HAS3: variants seen among roughly 807,000 people sequenced by gnomAD.
HAS3 encodes HA synthase 3.
HAS3 carries 27 observed loss-of-function variants against 50.3 expected under a neutral mutation model. The observed-to-expected ratio is 0.54, with a 90% CI of 0.40 to 0.74. The LOEUF (loss-of-function observed/expected upper bound fraction) is 0.74, where lower values mean the gene tolerates loss of function less well. HAS3 is among the 30% of genes least tolerant of loss of function. The probability of loss-of-function intolerance (pLI) is 0.00; values close to 1 mark genes in which losing one functional copy is unlikely to be tolerated. For synonymous variants in HAS3, 339 were observed against 310.9 expected, an observed-to-expected ratio of 1.09 and a Z score of -0.95; for missense variants, 517 against 742.8, an observed-to-expected ratio of 0.70 and a Z score of 3.53.
the HAS3 span, among the ~76,000 whole-genome samples, chr16:69,087,387 C>G: frequency 1.3e-5 from 2 of 152,206 alleles, no homozygotes; most frequent in Non-Finnish European, 2.9e-5. Context: ...AGAGTTTCCC[C>G]TCTCTGCTTT....
chr16:69,116,416 G>A lies in HAS3; in HGVS notation c.*1150G>A, dbSNP rs766991782. 3.2e-5 allele frequency: 32 copies of A among 985,772 alleles called. No homozygotes were observed. The highest frequency in any genetic ancestry group is 3.7e-5 in the Non-Finnish European group (31 of 829,846). The allele number at this position is 985,772 out of a possible 1,614,324, so 61.1% of individuals were successfully genotyped here. A position where few individuals can be genotyped will look rare whatever the true frequency, so the allele number is the denominator to read the frequency against. ...TGCTTGGACGGATTCCTTGGCAGCC[G>A]GGTTAGCATGTGTGACTTTCAGGCT... On this transcript the variant is annotated 3_prime_UTR_variant, in exon 4 of 4. Transcript: ENST00000569188.
chr16:69,107,682 C>T lies in HAS3; in HGVS notation c.1-1714C>T. 1.0e-6 allele frequency: 1 copy of T among 985,540 alleles called. No individual in the cohort carries two copies. The highest frequency in any genetic ancestry group is 1.2e-6 in the Non-Finnish European group (1 of 830,016). The allele number at this position is 985,540 out of a possible 1,614,324, so 61.0% of individuals were successfully genotyped here. ...GCAGGCAGGCAGGGGGGTCCCGCCG[C>T]GCCCCTTCAGCATGTAAGCTCCGGA... On this transcript the variant is annotated intron_variant, in intron 1 of 3. Coordinates refer to ENST00000569188, the MANE Select transcript of HAS3 (RefSeq NM_001199280.2). This position sits in a 1 kb window ranked among gnomAD's most constrained non-coding sequence, Gnocchi z 5.5.
At chr16:69,099,548 G>A in the HAS3 span, among the ~76,000 whole-genome samples, 4 of 150,590 alleles carry the variant, frequency 2.7e-5, no homozygotes, top group South Asian at 4.2e-4. Flanking sequence ...GGATGATCTC[G>A]ATCTCCTGAC....
In HAS3 at chr16:69,114,660, C is replaced by T. The variant is rs1431697293; in HGVS notation, c.1056C>T (p.Asn352=). The change falls in exon 4 of 4, where the codon AAC becomes AAT. Residue 352 remains asparagine, a synonymous_variant. Coordinates refer to ENST00000569188, the MANE Select transcript of HAS3 (RefSeq NM_001199280.2). The surrounding 1 kb of genome is among the most constrained non-coding windows in gnomAD (Gnocchi z 6.4). ...ETPTKYLRWL[N]QQTRWSKSYF... is the part of the protein sequence containing the mutation. ...CCACTAAGTACCTCCGGTGGCTCAACCAGCAAACCCGCTGGAGCAAGTCTT... is the reference window on the plus strand; with the variant it reads ...CCACTAAGTACCTCCGGTGGCTCAATCAGCAAACCCGCTGGAGCAAGTCTT... 1.9e-6 allele frequency: 3 copies of T among 1,614,146 alleles called. No homozygotes were observed.
Position 69,115,103 on chromosome 16 carries a change from A to T in HAS3, c.1499A>T (p.Tyr500Phe), listed in dbSNP as rs1344629067. The change falls in exon 4 of 4, where the codon TAT becomes TTT. Residue 500 changes from tyrosine to phenylalanine, a missense_variant. By Grantham distance (22) the Tyr-to-Phe change is conservative. Coordinates refer to ENST00000569188, the MANE Select transcript of HAS3 (RefSeq NM_001199280.2). ...CTGGGAGGGCTGGCCTACACAGCTT[A>T]TTGCCAGGACCTGTTCAGTGAGACA... The part of the protein sequence containing the change: ...VLLGGLAYTA[Y>F]CQDLFSETEL... 1.2e-6 allele frequency: 2 copies of T among 1,612,524 alleles called. No individual in the cohort carries two copies. The highest frequency in any genetic ancestry group is 2.7e-5 in the African/African-American group (2 of 74,858).
At chr16:69,117,809 T>A (rs1238354670), downstream of HAS3, 1 of 190,760 alleles carries the variant, frequency 5.2e-6, no homozygotes, top group Non-Finnish European at 9.8e-6. Context: ...GGCTTAACTT[T>A]TAGTGTAGAG....
the HAS3 span, among the ~76,000 whole-genome samples, chr16:69,100,499 T>C: frequency 7.9e-5 from 12 of 152,134 alleles, no homozygotes; most frequent in Non-Finnish European, 1.8e-4. Flanking sequence ...TCTGTTTTGC[T>C]TTGCTGGAAG....
the HAS3 span, among the ~76,000 whole-genome samples, chr16:69,095,293 A>G: frequency 6.6e-6 from 1 of 152,086 alleles, no homozygotes; most frequent in South Asian, 2.1e-4. Flanking sequence ...CCCATTGTGA[A>G]GTTTTTAAGG....
intron 3 of HAS3, among the ~76,000 whole-genome samples, chr16:69,113,930 C>T (rs192227076): frequency 2.9e-4 from 44 of 152,214 alleles, no homozygotes; most frequent in African/African-American, 1.0e-3. Context: ...GAATAAGGGC[C>T]CCAATCTGCC....
chr16:69,102,404 C>T (rs1224555265), upstream of HAS3, among the ~76,000 whole-genome samples: 2 of 152,160 alleles, frequency 1.3e-5, no homozygotes, highest in African/African-American at 2.4e-5. Context: ...ATTGTAGCAG[C>T]CCCTTAAAGA....
At chr16:69,091,062 T>G in the HAS3 span, among the ~76,000 whole-genome samples, 1 of 152,218 alleles carries the variant, frequency 6.6e-6, no homozygotes, top group African/African-American at 2.4e-5. Context: ...TGTGCATTGC[T>G]GCTGCCCAAG....
chr16:69,094,869 C>A, the HAS3 span, among the ~76,000 whole-genome samples: 4 of 152,114 alleles, frequency 2.6e-5, no homozygotes, highest in Non-Finnish European at 5.9e-5. Context: ...CCATCTGATC[C>A]TGTTCCTCTG....
At chr16:69,118,276 G>A (rs563100861), downstream of HAS3, 1 of 894,890 alleles carries the variant, frequency 1.1e-6, no homozygotes, top group East Asian at 2.5e-5. Context: ...GGAGCTGCAG[G>A]CCCAGTCAGT....
intron 2 of HAS3, among the ~76,000 whole-genome samples, chr16:69,111,727 G>A (rs2152258119): frequency 6.6e-6 from 1 of 152,318 alleles, no homozygotes; most frequent in East Asian, 1.9e-4. Flanking sequence ...TGTTTTGACT[G>A]CAGTTCACCT....
the HAS3 span, among the ~76,000 whole-genome samples, chr16:69,098,974 T>A: frequency 6.8e-6 from 1 of 147,140 alleles, no homozygotes; most frequent in African/African-American, 2.5e-5. Context: ...AACCTGATCT[T>A]TTTTTTTTCT....
At chr16:69,100,064 T>C in the HAS3 span, among the ~76,000 whole-genome samples, 1 of 152,162 alleles carries the variant, frequency 6.6e-6, no homozygotes, top group Non-Finnish European at 1.5e-5. Context: ...GAAACGATTC[T>C]TCCATCAAAG....
chr16:69,090,220 T>C, the HAS3 span, among the ~76,000 whole-genome samples: 1 of 152,042 alleles, frequency 6.6e-6, no homozygotes, highest in Non-Finnish European at 1.5e-5. Context: ...AAGAAGGCGT[T>C]TGTGCTCCAC....
Position 69,107,540 on chromosome 16 carries a change from G to T in HAS3, c.-1+1753G>T, listed in dbSNP as rs1162420159. On this transcript the variant is annotated intron_variant, in intron 1 of 3. Transcript: ENST00000569188. This position sits in a 1 kb window ranked among gnomAD's most constrained non-coding sequence, Gnocchi z 5.5. ...CTCGAGCGGGGATGAGAAGCGTGGCGAGTGCGTTCGCGGCTGCTTTGACCT... is the reference window on the plus strand; with the variant it reads ...CTCGAGCGGGGATGAGAAGCGTGGCTAGTGCGTTCGCGGCTGCTTTGACCT... 3.0e-6 allele frequency: 3 copies of T among 985,416 alleles called. No individual in the cohort carries two copies. Among genetic ancestry groups the T allele is most frequent in the South Asian group, 4.7e-5 (1 of 21,296 alleles). The allele number at this position is 985,416 out of a possible 1,614,324, so 61.0% of individuals were successfully genotyped here.
In HAS3 at chr16:69,116,211, A is replaced by G; in HGVS notation, c.*945A>G. 11 of 985,542 alleles carry G rather than the reference A, an allele frequency of 1.1e-5. No individual in the cohort carries two copies. The highest frequency in any genetic ancestry group is 1.3e-5 in the Non-Finnish European group (11 of 829,952). 61.0% of individuals were successfully genotyped at this position (985,542 alleles called of 1,614,324 possible). A position where few individuals can be genotyped will look rare whatever the true frequency, so the allele number is the denominator to read the frequency against. ...CCCACTTCACTTTCTTCAAAGCCAC[A>G]TTTTTTGAGGTATCACTGCAGTCAC... On this transcript the variant is annotated 3_prime_UTR_variant, in exon 4 of 4. Transcript: ENST00000569188.
Sources: gnomAD v4.1 joint callset for allele counts (sites outside exome capture counted in the v4.1 genomes callset) on GRCh38, gnomAD v4.1.1 for gene constraint, Gnocchi (gnomAD v3.1) non-coding constraint, MANE v1.5 for transcripts, NCBI Gene and HGNC (gene_info 2026-07-23, HGNC 2026-07-21) for gene names.